Variants in DCC observed in about 807,000 individuals in gnomAD.
DCC encodes the protein netrin receptor DCC.
In DCC, 58 loss-of-function variants were observed where a neutral mutation model predicts 172.5. That is an observed-to-expected ratio of 0.34 (90% CI 0.27 to 0.42). DCC has a LOEUF of 0.42. Among genes scored for constraint, DCC ranks in the 10% least tolerant of loss-of-function variants. The probability of loss-of-function intolerance (pLI) is 1.00; values close to 1 mark genes in which losing one functional copy is unlikely to be tolerated. For missense variants in DCC, 1,740 were observed against 1,791.0 expected, an observed-to-expected ratio of 0.97 and a Z score of 0.51; for synonymous variants, 709 against 644.5, an observed-to-expected ratio of 1.10 and a Z score of -1.52.
At chr18:53,344,192 A>G (rs1406795990) in intron 15 of DCC, among the ~76,000 whole-genome samples, 1 of 151,744 alleles carries the variant, frequency 6.6e-6, no homozygotes, top group Non-Finnish European at 1.5e-5. Context: ...TTCTATTTCT[A>G]ATTTATTGAC....
At chr18:53,163,204 A>G (rs1481125772) in intron 8 of DCC, among the ~76,000 whole-genome samples, 2 of 152,206 alleles carry the variant, frequency 1.3e-5, no homozygotes, top group African/African-American at 4.8e-5. Context: ...TCATGTAAAC[A>G]TAAACTGATC....
chr18:52,758,162 T>A (rs1425771873), intron 2 of DCC, among the ~76,000 whole-genome samples: 1 of 152,200 alleles, frequency 6.6e-6, no homozygotes, highest in Non-Finnish European at 1.5e-5. Flanking sequence ...CTATCATAGC[T>A]ATACATTCAA....
chr18:53,444,340 G>A (rs560482592), intron 22 of DCC, among the ~76,000 whole-genome samples: 9 of 152,216 alleles, frequency 5.9e-5, no homozygotes, highest in African/African-American at 1.7e-4. Flanking sequence ...TCAGGAGTTC[G>A]AGACCAGCCT....
At chr18:52,425,901 A>G (rs1987408325) in intron 1 of DCC, among the ~76,000 whole-genome samples, 1 of 152,134 alleles carries the variant, frequency 6.6e-6, no homozygotes. Context: ...TTGCCTATGC[A>G]CATACATTAC....
chr18:52,410,521 G>A (rs1052898885), intron 1 of DCC, among the ~76,000 whole-genome samples: 2 of 152,174 alleles, frequency 1.3e-5, no homozygotes, highest in South Asian at 2.1e-4. Flanking sequence ...CATTGCAACC[G>A]TGAGAGGCAC....
intron 12 of DCC, among the ~76,000 whole-genome samples, chr18:53,302,320 G>A (rs910257986): frequency 6.6e-6 from 1 of 151,852 alleles, no homozygotes; most frequent in Admixed American, 6.6e-5. Flanking sequence ...TCAATATGCA[G>A]ATTTCCATCA....
intron 12 of DCC, among the ~76,000 whole-genome samples, chr18:53,221,077 C>CTCT (rs1207597621): frequency 6.6e-6 from 1 of 152,074 alleles, no homozygotes; most frequent in Non-Finnish European, 1.5e-5. Flanking sequence ...ATCTTCAGAT[C>CTCT]TCTTCCATCC....
chr18:53,339,686 C>T, intron 14 of DCC, 27 bp from the exon 15 acceptor site: 10 of 1,581,472 alleles, frequency 6.3e-6, no homozygotes, highest in Non-Finnish European at 8.7e-6. Flanking sequence ...ATGAGACATG[C>T]TGATGATGCC....
chr18:52,789,410 C>T lies in DCC; in HGVS notation c.412+37036C>T, dbSNP rs958129499. Among the ~76,000 whole-genome samples, 6 of 151,978 alleles carry T rather than the reference C, an allele frequency of 3.9e-5. No individual in the cohort carries two copies. The East Asian group carries it at 5.8e-4, about 15-fold the overall frequency. On this transcript the variant is annotated intron_variant, in intron 2 of 28. Coordinates refer to ENST00000442544, the MANE Select transcript of DCC (RefSeq NM_005215.4). ...GATTCAGTTGACTGAGAAGAAAAGG[C>T]TTTTTCTAGGAAAGCAAGATTCAAG...
At chr18:52,964,506 TG>T (rs2040896990) in intron 5 of DCC, among the ~76,000 whole-genome samples, 1 of 152,128 alleles carries the variant, frequency 6.6e-6, no homozygotes, top group African/African-American at 2.4e-5. Context: ...GGGCTATAGT[TG>T]GGTTTATTGC....
intron 2 of DCC, among the ~76,000 whole-genome samples, chr18:52,753,642 C>T (rs1020850560): frequency 3.9e-5 from 6 of 152,060 alleles, no homozygotes; most frequent in Admixed American, 1.3e-4. Flanking sequence ...AATTTCTTAA[C>T]GCTTGGTAAC....
At chr18:53,364,062 A>T (rs2057975998) in intron 15 of DCC, among the ~76,000 whole-genome samples, 1 of 152,196 alleles carries the variant, frequency 6.6e-6, no homozygotes, top group African/African-American at 2.4e-5. Context: ...TAAATCAGCA[A>T]TTCAATCAAT....
At chr18:53,288,890 C>A (rs1296795603) in intron 12 of DCC, among the ~76,000 whole-genome samples, 2 of 152,084 alleles carry the variant, frequency 1.3e-5, no homozygotes, top group African/African-American at 4.8e-5. Context: ...ACCTGACTGG[C>A]TGTTGAATGA....
intron 15 of DCC, among the ~76,000 whole-genome samples, chr18:53,350,939 C>T (rs2057784412): frequency 1.3e-5 from 2 of 151,718 alleles, no homozygotes. Flanking sequence ...ACTACTTGCT[C>T]AGAGAGAAGT....
intron 15 of DCC, among the ~76,000 whole-genome samples, chr18:53,357,049 C>G (rs571124968): frequency 1.3e-5 from 2 of 152,224 alleles, no homozygotes; most frequent in African/African-American, 4.8e-5. Flanking sequence ...TAAGTTGATC[C>G]AGGCAAGCGG....
chr18:53,391,595 T>G, intron 16 of DCC, 60 bp from the exon 17 acceptor site: 1 of 1,124,778 alleles, frequency 8.9e-7, no homozygotes, highest in Non-Finnish European at 1.4e-6. Flanking sequence ...ATATTTATTT[T>G]TTAACGCTTT....
At chr18:53,056,248 A>G (rs2042402098) in intron 5 of DCC, among the ~76,000 whole-genome samples, 1 of 152,120 alleles carries the variant, frequency 6.6e-6, no homozygotes, top group South Asian at 2.1e-4. Flanking sequence ...AGGAAGTGCC[A>G]CAGTTTAAAA....
intron 1 of DCC, among the ~76,000 whole-genome samples, chr18:52,461,390 A>G (rs928587971): frequency 3.3e-5 from 5 of 152,186 alleles, no homozygotes; most frequent in African/African-American, 9.7e-5. Context: ...TCTTTTTTTA[A>G]CAAGTAGAAG....
chr18:53,351,464 G>GTA (rs35650757), intron 15 of DCC, among the ~76,000 whole-genome samples: 1,687 of 33,142 alleles, frequency 0.051, 144 homozygotes, highest in East Asian at 0.27. Context: ...TATACACAGT[G>GTA]TGTATATATA....
Sources: gnomAD v4.1 joint callset for allele counts (sites outside exome capture counted in the v4.1 genomes callset) on GRCh38, gnomAD v4.1.1 for gene constraint, MANE v1.5 for transcripts, NCBI Gene and HGNC (gene_info 2026-07-23, HGNC 2026-07-21) for gene names.